The following CHST8 variants were observed in gnomAD, a reference collection of about 807,000 sequenced individuals.
The protein encoded by CHST8 is GALNAC-4-ST1.
Under a neutral mutation model 15.0 loss-of-function variants are expected in CHST8, and 10 were observed. The observed-to-expected ratio is 0.67, with a 90% CI of 0.41 to 1.13. CHST8 has a LOEUF of 1.13. CHST8 is among the 50% of genes most tolerant of loss of function. The pLI, the probability that CHST8 is intolerant of heterozygous loss-of-function variation, is 0.00. For synonymous variants in CHST8, 259 were observed against 256.6 expected (o/e 1.01, Z -0.09); for missense variants, 634 against 608.2 (o/e 1.04, Z -0.45).
chr19:33,650,518 C>CTTTTTTTTTTTTTTT lies in CHST8; in HGVS notation c.-163-17234_-163-17220dup, dbSNP rs869057036. Reference sequence around the variant, plus strand: ...TTCTTTTTCTTTTTCTTTTTCTTTTCTTTTTTTTTTTTTTTTTTTTTTTTT... The same window carrying CTTTTTTTTTTTTTTT: ...TTCTTTTTCTTTTTCTTTTTCTTTTCTTTTTTTTTTTTTTTTTTTTTTTTTTTTTTTTTTTTTTTT... On this transcript the variant is annotated intron_variant, in intron 1 of 4. Transcript: ENST00000650847. 2.9e-3 allele frequency among the ~76,000 whole-genome samples: 104 copies of CTTTTTTTTTTTTTTT among 36,122 alleles called. 5 individuals carry two copies. Among genetic ancestry groups the CTTTTTTTTTTTTTTT allele is most frequent in the East Asian group, 5.7e-3 (6 of 1,052 alleles). The allele number at this position is 36,122 out of a possible 152,430, so 23.7% of individuals were successfully genotyped here. A position where few individuals can be genotyped will look rare whatever the true frequency, so the allele number is the denominator to read the frequency against.
intron 3 of CHST8, among the ~76,000 whole-genome samples, chr19:33,697,695 A>G (rs1973247077): frequency 1.3e-5 from 2 of 152,224 alleles, no homozygotes; most frequent in Non-Finnish European, 2.9e-5. Flanking sequence ...ACTGTACCAC[A>G]CTGTCTGCCC....
chr19:33,731,858 A>G (rs1974000130), intron 3 of CHST8, among the ~76,000 whole-genome samples: 1 of 152,190 alleles, frequency 6.6e-6, no homozygotes, highest in African/African-American at 2.4e-5. Context: ...GTAAAGATGC[A>G]CTGTTCTCCT....
intron 1 of CHST8, among the ~76,000 whole-genome samples, chr19:33,657,156 CAA>C (rs1555712526): frequency 2.7e-4 from 40 of 146,518 alleles, no homozygotes; most frequent in Middle Eastern, 3.4e-3. Context: ...CACACACACA[CAA>C]ACACACATAT....
intron 1 of CHST8, among the ~76,000 whole-genome samples, chr19:33,645,417 G>A (rs1972340189): frequency 6.6e-6 from 1 of 152,234 alleles, no homozygotes; most frequent in South Asian, 2.1e-4. Context: ...AGGCCTGGCA[G>A]TGGGAGAGGA....
intron 3 of CHST8, among the ~76,000 whole-genome samples, chr19:33,740,865 TATAA>T (rs1225822194): frequency 6.6e-6 from 1 of 152,152 alleles, no homozygotes; most frequent in Non-Finnish European, 1.5e-5. Context: ...CAGTTAATCA[TATAA>T]ATGGCCAGAA....
chr19:33,726,334 G>C (rs1973897981), intron 3 of CHST8, among the ~76,000 whole-genome samples: 3 of 152,132 alleles, frequency 2.0e-5, no homozygotes, highest in Admixed American at 2.0e-4. Context: ...GCTGAGGTGG[G>C]AGGATCACTT....
chr19:33,689,727 G>A (rs952432293), intron 3 of CHST8, among the ~76,000 whole-genome samples: 2 of 152,194 alleles, frequency 1.3e-5, no homozygotes, highest in Admixed American at 1.3e-4. Context: ...ACATTGTCAG[G>A]GACATCAGAA....
intron 2 of CHST8, among the ~76,000 whole-genome samples, chr19:33,682,102 G>A (rs1461397391): frequency 2.0e-5 from 3 of 151,090 alleles, no homozygotes; most frequent in Non-Finnish European, 4.4e-5. Flanking sequence ...TGATCCACCC[G>A]CCTTGGCCTC....
At chr19:33,636,432 A>G (rs1221862489) in intron 1 of CHST8, among the ~76,000 whole-genome samples, 1 of 152,216 alleles carries the variant, frequency 6.6e-6, no homozygotes, top group South Asian at 2.1e-4. Context: ...TTCACGTCTC[A>G]CCACTACGGG....
At chr19:33,702,376 C>G (rs1973357062) in intron 3 of CHST8, among the ~76,000 whole-genome samples, 1 of 152,226 alleles carries the variant, frequency 6.6e-6, no homozygotes, top group South Asian at 2.1e-4. Flanking sequence ...TCAAACTCCT[C>G]GATATTTCTT....
At chr19:33,645,523 T>C (rs1255105621) in intron 1 of CHST8, among the ~76,000 whole-genome samples, 1 of 152,000 alleles carries the variant, frequency 6.6e-6, no homozygotes, top group East Asian at 1.9e-4. Context: ...ATGGGTTAGA[T>C]GGGGTGTGAG....
intron 1 of CHST8, among the ~76,000 whole-genome samples, chr19:33,665,289 T>C (rs926169327): frequency 6.6e-6 from 1 of 152,178 alleles, no homozygotes; most frequent in Non-Finnish European, 1.5e-5. Context: ...TGAATTATAT[T>C]TGTAGTTTAG....
At chr19:33,716,151 A>C (rs1973662645) in intron 3 of CHST8, among the ~76,000 whole-genome samples, 1 of 152,222 alleles carries the variant, frequency 6.6e-6, no homozygotes, top group East Asian at 1.9e-4. Context: ...TGTTCGTTGT[A>C]AAGATGCACC....
chr19:33,751,764 G>A lies in CHST8; in HGVS notation c.131-19649G>A, dbSNP rs184605948. ...ACCCACTTAACCTCTTTGAGACTCA[G>A]TGAGTGCCCTCATGCCAAACAGGGA... On this transcript the variant is annotated intron_variant, in intron 3 of 4. Coordinates refer to ENST00000650847, the MANE Select transcript of CHST8 (RefSeq NM_001127895.2). Among the ~76,000 whole-genome samples the A allele has an allele frequency of 2.0e-5, 3 of 152,340 alleles. No individual in the cohort carries two copies. The East Asian group carries it at 5.8e-4, about 29-fold the overall frequency.
intron 3 of CHST8, among the ~76,000 whole-genome samples, chr19:33,712,231 G>A (rs562888200): frequency 2.4e-4 from 37 of 152,326 alleles, no homozygotes; most frequent in Middle Eastern, 6.8e-3. Context: ...CCGTTCACCC[G>A]ATTGGTGAGG....
intron 3 of CHST8, among the ~76,000 whole-genome samples, chr19:33,735,208 C>G (rs1974061000): frequency 6.6e-6 from 1 of 152,194 alleles, no homozygotes; most frequent in South Asian, 2.1e-4. Context: ...CCCTCCCCAG[C>G]TGGCTCACAG....
At chr19:33,629,752 C>T (rs550166272) in intron 1 of CHST8, among the ~76,000 whole-genome samples, 85 of 152,356 alleles carry the variant, frequency 5.6e-4, no homozygotes, top group African/African-American at 2.0e-3. Flanking sequence ...GGGCCAGACT[C>T]GGGGACAGGA....
intron 2 of CHST8, among the ~76,000 whole-genome samples, chr19:33,675,612 C>T (rs1972799351): frequency 6.6e-6 from 1 of 152,226 alleles, no homozygotes; most frequent in Non-Finnish European, 1.5e-5. Context: ...TGGCAACACC[C>T]CAGCCTCCTT....
At chr19:33,729,351 C>T (rs561391732) in intron 3 of CHST8, among the ~76,000 whole-genome samples, 3 of 152,336 alleles carry the variant, frequency 2.0e-5, no homozygotes, top group African/African-American at 4.8e-5. Context: ...TGGGCCTCTC[C>T]GTAGCACAGT....
Sources: gnomAD v4.1 joint callset for allele counts (sites outside exome capture counted in the v4.1 genomes callset) on GRCh38, gnomAD v4.1.1 for gene constraint, MANE v1.5 for transcripts, NCBI Gene and HGNC (gene_info 2026-07-23, HGNC 2026-07-21) for gene names.